RAP1GDS1: variants seen among roughly 807,000 people sequenced by gnomAD.
RAP1GDS1 encodes Rap1 GTPase-GDP dissociation stimulator 1.
In RAP1GDS1, 35 loss-of-function variants were observed where a neutral mutation model predicts 71.1. The observed-to-expected ratio is 0.49, with a 90% CI of 0.38 to 0.65. The LOEUF is 0.65. Ranked by LOEUF, RAP1GDS1 falls within the 30% of genes least tolerant of loss-of-function variation. The pLI is 0.00. For missense variants in RAP1GDS1, 663 were observed against 706.1 expected (o/e 0.94, Z 0.69); for synonymous variants, 229 against 243.1 (o/e 0.94, Z 0.54).
rs74771038 is a variant in RAP1GDS1, at chr4:98,432,239, A to G, written c.1441-1697A>G. 5.7e-3 allele frequency among the ~76,000 whole-genome samples: 868 copies of G among 152,290 alleles called. 9 individuals are homozygous for G. Among genetic ancestry groups the G allele is most frequent in the African/African-American group, 0.02 (824 of 41,572 alleles). On this transcript the variant is annotated intron_variant, in intron 12 of 14. Transcript: ENST00000408927. ...TCTGATGTACACATTTCCTTAGTTC[A>G]TTCCCTACTCTTCCTTCTACTACAC...
chr4:98,386,663 G>C (rs1290379788), intron 5 of RAP1GDS1, among the ~76,000 whole-genome samples: 1 of 150,732 alleles, frequency 6.6e-6, no homozygotes, highest in African/African-American at 2.4e-5. Flanking sequence ...ATGCATGTTT[G>C]ATATAAAGAA....
intron 5 of RAP1GDS1, among the ~76,000 whole-genome samples, chr4:98,382,593 TTATC>T (rs1742173226): frequency 6.6e-6 from 1 of 151,636 alleles, no homozygotes; most frequent in African/African-American, 2.4e-5. Context: ...CATTAGTTTG[TTATC>T]TGTTTCCTAG....
intron 1 of RAP1GDS1, among the ~76,000 whole-genome samples, chr4:98,284,262 G>A (rs1421755294): frequency 2.6e-5 from 4 of 152,006 alleles, no homozygotes; most frequent in African/African-American, 7.2e-5. Flanking sequence ...CAGGGGGCAC[G>A]TAATGCAGTT....
intron 2 of RAP1GDS1, among the ~76,000 whole-genome samples, chr4:98,332,347 G>A (rs767695328): frequency 5.3e-5 from 8 of 152,176 alleles, no homozygotes; most frequent in South Asian, 4.1e-4. Flanking sequence ...CAAGACAAGA[G>A]TGCAGAATCA....
chr4:98,363,639 TAGAA>T (rs1332369859), intron 4 of RAP1GDS1, among the ~76,000 whole-genome samples: 1 of 152,104 alleles, frequency 6.6e-6, no homozygotes, highest in Non-Finnish European at 1.5e-5. Context: ...GTGTTGATGA[TAGAA>T]AGCCTCATGA....
chr4:98,337,569 T>G (rs559147887), intron 2 of RAP1GDS1, among the ~76,000 whole-genome samples: 22 of 152,292 alleles, frequency 1.4e-4, no homozygotes, highest in Non-Finnish European at 2.8e-4. Flanking sequence ...ATGAAGAGAT[T>G]AATGTGTTTG....
intron 1 of RAP1GDS1, among the ~76,000 whole-genome samples, chr4:98,288,345 T>C (rs1284404702): frequency 2.6e-5 from 4 of 152,172 alleles, no homozygotes; most frequent in Non-Finnish European, 5.9e-5. Flanking sequence ...TCCATGTTCC[T>C]ACAAAGGACA....
intron 2 of RAP1GDS1, 80 bp from the exon 3 acceptor site, chr4:98,343,059 G>C: frequency 7.2e-7 from 1 of 1,398,162 alleles, no homozygotes; most frequent in Non-Finnish European, 9.6e-7. Flanking sequence ...AAAAATTCTT[G>C]AAGAATTTAT....
chr4:98,418,714 T>C lies in RAP1GDS1; in HGVS notation c.1097T>C (p.Leu366Pro). ...NGIVEKLMDL[L>P]DRHVEDGNVT... The stretch of plus-strand genomic sequence containing the variant: ...ATTGTAGAAAAACTTATGGATTTAC[T>C]GGACAGACATGTAGAAGATGGAAAT... Residue 366 changes from leucine (L) to proline (P), a missense_variant, in exon 10 of 15, where the codon CTG becomes CCG. Coordinates refer to ENST00000408927, the MANE Select transcript of RAP1GDS1 (RefSeq NM_001100427.2). 6.2e-7 allele frequency: 1 copy of C among 1,612,450 alleles called. No homozygotes were observed. Among genetic ancestry groups the C allele is most frequent in the East Asian group, 2.2e-5 (1 of 44,822 alleles).
chr4:98,440,988 T>G (rs1751783925), intron 14 of RAP1GDS1, among the ~76,000 whole-genome samples: 1 of 152,230 alleles, frequency 6.6e-6, no homozygotes, highest in Non-Finnish European at 1.5e-5. Flanking sequence ...CCACCACGCC[T>G]GGCCCAAGTT....
chr4:98,331,934 A>G (rs1734078472), intron 2 of RAP1GDS1, among the ~76,000 whole-genome samples: 1 of 152,152 alleles, frequency 6.6e-6, no homozygotes, highest in South Asian at 2.1e-4. Context: ...AAGACTTCAA[A>G]AGCAATACAG....
intron 3 of RAP1GDS1, 96 bp downstream of exon 3, chr4:98,343,357 G>T: frequency 1.4e-6 from 2 of 1,397,186 alleles, no homozygotes; most frequent in Non-Finnish European, 2.0e-6. Context: ...TAATTTTGTA[G>T]ATTAGACATT....
chr4:98,300,058 AAAG>A (rs1364262249), intron 2 of RAP1GDS1, among the ~76,000 whole-genome samples: 1 of 152,232 alleles, frequency 6.6e-6, no homozygotes, highest in African/African-American at 2.4e-5. Flanking sequence ...TCCAGGTTTT[AAAG>A]AAGTTCTATA....
intron 2 of RAP1GDS1, among the ~76,000 whole-genome samples, chr4:98,298,405 A>G (rs970564383): frequency 6.6e-6 from 1 of 152,182 alleles, no homozygotes; most frequent in South Asian, 2.1e-4. Context: ...GCTTCAAAGG[A>G]CAGGCTGACT....
At chr4:98,280,274 T>C (rs1006063993) in intron 1 of RAP1GDS1, among the ~76,000 whole-genome samples, 7 of 152,228 alleles carry the variant, frequency 4.6e-5, no homozygotes, top group African/African-American at 1.7e-4. Context: ...GCATCTGTTA[T>C]TTCCTGACTT....
chr4:98,353,345 GT>G (rs1444546734), intron 4 of RAP1GDS1, among the ~76,000 whole-genome samples: 2 of 152,078 alleles, frequency 1.3e-5, no homozygotes, highest in African/African-American at 4.8e-5. Context: ...TAGGAATTTA[GT>G]TTTATTTCTA....
intron 5 of RAP1GDS1, among the ~76,000 whole-genome samples, chr4:98,388,501 G>A (rs1267199709): frequency 6.6e-6 from 1 of 152,158 alleles, no homozygotes; most frequent in East Asian, 1.9e-4. Context: ...CGAGGCGGAT[G>A]GATCGCCTGA....
intron 2 of RAP1GDS1, among the ~76,000 whole-genome samples, chr4:98,321,804 G>A (rs945915723): frequency 3.0e-5 from 4 of 133,740 alleles, no homozygotes; most frequent in East Asian, 2.2e-4. Context: ...GGTACCACCC[G>A]CTGCAAAATC....
At chr4:98,363,789 T>C (rs1739102379) in intron 4 of RAP1GDS1, among the ~76,000 whole-genome samples, 1 of 152,074 alleles carries the variant, frequency 6.6e-6, no homozygotes, top group Non-Finnish European at 1.5e-5. Flanking sequence ...AAGGGAAGCA[T>C]TGAGACTAAT....
Sources: allele counts gnomAD v4.1 joint callset (sites outside exome capture counted in the v4.1 genomes callset), GRCh38; gene constraint gnomAD v4.1.1; transcripts MANE v1.5; gene names NCBI Gene and HGNC (gene_info 2026-07-23, HGNC 2026-07-21).